Variants in EPAS1 observed in about 807,000 individuals in gnomAD.
EPAS1 encodes the protein endothelial PAS domain-containing protein 1.
Under a neutral mutation model 87.9 loss-of-function variants are expected in EPAS1, and 23 were observed. The observed-to-expected ratio is 0.26, with a 90% CI of 0.19 to 0.37. The LOEUF is 0.37. Among genes scored for constraint, EPAS1 ranks in the 10% least tolerant of loss-of-function variants. The pLI, the probability that EPAS1 is intolerant of heterozygous loss-of-function variation, is 1.00. For synonymous variants in EPAS1, 508 were observed against 444.3 expected, an observed-to-expected ratio of 1.14 and a Z score of -1.80; for missense variants, 1,138 against 1,120.7, an observed-to-expected ratio of 1.02 and a Z score of -0.22.
rs1254693718 is a variant in EPAS1 at position 46,356,785 on chromosome 2, G to A, written c.431G>A (p.Arg144His). The A allele has an allele frequency of 3.7e-6, 6 of 1,613,568 alleles. No homozygotes were observed. The highest frequency in any genetic ancestry group is 2.2e-5 in the South Asian group (2 of 91,082). Residue 144 changes from arginine to histidine, a missense_variant, in exon 4 of 16, where the codon CGT (arginine) becomes CAT (histidine). Arg to His is a conservative substitution (Grantham distance 29). Around this residue, in one of 4 missense-constraint regions of EPAS1, gnomAD observed 351 missense variants for 417.1 expected, o/e 0.84. Coordinates refer to ENST00000263734, the MANE Select transcript of EPAS1 (RefSeq NM_001430.5). ...CATCCCTGCGACCATGAGGAGATTCGTGAGAACCTGAGTCTCAAAAATGGT... is the reference window on the plus strand; with the variant it reads ...CATCCCTGCGACCATGAGGAGATTCATGAGAACCTGAGTCTCAAAAATGGT... ...FTHPCDHEEI[R>H]ENLSLKNGSG...
intron 1 of EPAS1, among the ~76,000 whole-genome samples, chr2:46,302,166 G>C (rs999837411): frequency 6.7e-5 from 10 of 149,548 alleles, no homozygotes; most frequent in Admixed American, 4.0e-4. Context: ...GCGTCGGGGG[G>C]GGGGGCAGTG....
chr2:46,365,578 A>C (rs1684483820), intron 6 of EPAS1, among the ~76,000 whole-genome samples: 1 of 152,200 alleles, frequency 6.6e-6, no homozygotes, highest in African/African-American at 2.4e-5. Flanking sequence ...GTATACTCTT[A>C]CCCCTACAGG....
At chr2:46,302,743 A>G (rs1231666663) in intron 1 of EPAS1, among the ~76,000 whole-genome samples, 5 of 45,482 alleles carry the variant, frequency 1.1e-4, no homozygotes, top group South Asian at 7.4e-4. Context: ...GGAAAAAAAA[A>G]AAAAAAAAAA....
chr2:46,363,232 G>C (rs1684438328), intron 6 of EPAS1, among the ~76,000 whole-genome samples: 1 of 152,126 alleles, frequency 6.6e-6, no homozygotes, highest in Admixed American at 6.5e-5. Context: ...GAGGTGAAGT[G>C]GCTCAAGCCG....
rs2103636587 is a variant in EPAS1 at position 46,360,856 on chromosome 2, C to T, written c.574-29C>T. 1.2e-6 allele frequency: 2 copies of T among 1,614,086 alleles called. No individual in the cohort carries two copies. Among genetic ancestry groups the T allele is most frequent in the East Asian group, 2.2e-5 (1 of 44,870 alleles). The stretch of plus-strand genomic sequence containing the variant: ...CCCCCACCCCCAGCACTCTCGGCTC[C>T]ATGTCTGACCCTTCCACGCCTGTCT... On this transcript the variant is annotated intron_variant, in intron 5 of 15. Transcript: ENST00000263734. The surrounding 1 kb of genome is among the most constrained non-coding windows in gnomAD (Gnocchi z 4.5).
In EPAS1 at chr2:46,358,629, G is replaced by A. The variant is rs777143674; in HGVS notation, c.454+1821G>A. On this transcript the variant is annotated intron_variant, in intron 4 of 15. Transcript: ENST00000263734. Reference sequence around the variant, plus strand: ...TGATGGTATTGGACTAGGCAAAGGCGACAACCTTTCAGTTCTCAAGTGCCA... The same window carrying A: ...TGATGGTATTGGACTAGGCAAAGGCAACAACCTTTCAGTTCTCAAGTGCCA... Among the ~76,000 whole-genome samples, 8 of 152,286 alleles carry A rather than the reference G, an allele frequency of 5.3e-5. No homozygotes were observed. In the East Asian group the frequency reaches 1.4e-3, roughly 26 times the overall value.
chr2:46,314,943 G>T (rs1162884048), intron 1 of EPAS1, among the ~76,000 whole-genome samples: 5 of 152,166 alleles, frequency 3.3e-5, no homozygotes, highest in African/African-American at 1.2e-4. Flanking sequence ...TGCAGGAGGG[G>T]TAGTGTCTCC....
rs756298292 is a variant in EPAS1, at chr2:46,381,629, C to T, written c.2079C>T (p.Asp693=). The T allele has an allele frequency of 2.5e-5, 40 of 1,613,898 alleles. No individual in the cohort carries two copies. The East Asian group carries it at 3.6e-4, about 14-fold the overall frequency. The part of the protein sequence containing the change: ...SAKGFGARGP[D]VLSPAMVALS... ...AGGGTTTTGGGGCTCGAGGCCCAGA[C>T]GTGCTGAGTCCGGCCATGGTAGCCC... is the stretch of plus-strand genomic sequence containing the variant. The change falls in exon 13 of 16, where the codon GAC becomes GAT. Residue 693 remains aspartate (D), a synonymous_variant. Coordinates refer to ENST00000263734, the MANE Select transcript of EPAS1 (RefSeq NM_001430.5).
At chr2:46,331,651 CT>C (rs149789601) in intron 1 of EPAS1, among the ~76,000 whole-genome samples, 2,322 of 152,294 alleles carry the variant, frequency 0.015, 61 homozygotes, top group African/African-American at 0.051. Flanking sequence ...AGGGAAATAA[CT>C]AAGCGGAGAG....
intron 6 of EPAS1, 89 bp from the exon 7 acceptor site, chr2:46,369,738 A>G: frequency 1.1e-6 from 1 of 883,850 alleles, no homozygotes; most frequent in South Asian, 1.4e-5. Flanking sequence ...TGTGTGTTTG[A>G]TTTGCCTTCT....
At chr2:46,304,391 TG>T (rs1177255064) in intron 1 of EPAS1, among the ~76,000 whole-genome samples, 11 of 152,320 alleles carry the variant, frequency 7.2e-5, no homozygotes, top group African/African-American at 2.6e-4. Context: ...ATACTCTCAA[TG>T]GGTGTTCCAT....
At chr2:46,355,931 CACA>C (rs372607583) in intron 2 of EPAS1, among the ~76,000 whole-genome samples, 91 of 152,362 alleles carry the variant, frequency 6.0e-4, no homozygotes, top group African/African-American at 1.6e-3. Flanking sequence ...GTACTGTTGT[CACA>C]ACAAGCACAC....
At chr2:46,317,592 G>A (rs1260032857) in intron 1 of EPAS1, among the ~76,000 whole-genome samples, 1 of 152,168 alleles carries the variant, frequency 6.6e-6, no homozygotes, top group Non-Finnish European at 1.5e-5. Flanking sequence ...TAAATGATAA[G>A]TGGCTTCAGC....
chr2:46,339,343 T>C (rs1399609459), intron 1 of EPAS1, among the ~76,000 whole-genome samples: 2 of 152,248 alleles, frequency 1.3e-5, no homozygotes, highest in South Asian at 2.1e-4. Context: ...CTAGGTTATA[T>C]GATGGACAGA....
rs967392277 is a variant in EPAS1, at chr2:46,297,664, C to T, written c.-248C>T. 3.6e-6 allele frequency: 2 copies of T among 550,084 alleles called. No homozygotes were observed. The highest frequency in any genetic ancestry group is 6.4e-6 in the Non-Finnish European group (2 of 310,618). 34.1% of individuals were successfully genotyped at this position (550,084 alleles called of 1,614,324 possible). ...CTCTTTTCGGGTCTGACAGCCTCCA[C>T]CCACTCCTTCCCCGGACCCCGCCTC... On this transcript the variant is annotated 5_prime_UTR_variant, in exon 1 of 16. Transcript: ENST00000263734.
rs1347365383 is a variant in EPAS1, at chr2:46,385,603, G to A, written c.*943G>A. The A allele has an allele frequency of 6.6e-6, 1 of 152,234 alleles. No homozygotes were observed. Among genetic ancestry groups the A allele is most frequent in the Non-Finnish European group, 1.5e-5 (1 of 68,068 alleles). 9.4% of individuals were successfully genotyped at this position (152,234 alleles called of 1,614,324 possible). A position where few individuals can be genotyped will look rare whatever the true frequency, so the allele number is the denominator to read the frequency against. On this transcript the variant is annotated 3_prime_UTR_variant, in exon 16 of 16. Coordinates refer to ENST00000263734, the MANE Select transcript of EPAS1 (RefSeq NM_001430.5). ...CCTCTGTCGGCTTTTTGCCATCTGT[G>A]ATATGCCATAGGTGTGACAATCCGA...
intron 1 of EPAS1, among the ~76,000 whole-genome samples, chr2:46,313,476 AGT>A (rs1322131135): frequency 6.9e-6 from 1 of 144,168 alleles, no homozygotes; most frequent in Non-Finnish European, 1.6e-5. Flanking sequence ...TTTTTGAGAC[AGT>A]GTCTCACTCT....
intron 1 of EPAS1, among the ~76,000 whole-genome samples, chr2:46,335,255 C>G (rs1683765898): frequency 6.6e-6 from 1 of 152,200 alleles, no homozygotes; most frequent in South Asian, 2.1e-4. Context: ...GATCAAGCAT[C>G]AGTCCTGATT....
rs57351888 is a variant in EPAS1, at chr2:46,359,257, C to CAAAAAAAAAAAAAAAAA, written c.455-1373_455-1357dup. ...CTGGCGACAGAGCAAGATTCTGTCT[C>CAAAAAAAAAAAAAAAAA]AAAAAAAAAAAAAAAAAAAAAAAAG... is the stretch of plus-strand genomic sequence containing the variant. On this transcript the variant is annotated intron_variant, in intron 4 of 15. Transcript: ENST00000263734. Among the ~76,000 whole-genome samples, 118 of 25,080 alleles carry CAAAAAAAAAAAAAAAAA rather than the reference C, an allele frequency of 4.7e-3. 12 individuals carry two copies. Among genetic ancestry groups the CAAAAAAAAAAAAAAAAA allele is most frequent in the East Asian group, 0.02 (5 of 250 alleles). 16.5% of individuals were successfully genotyped at this position (25,080 alleles called of 152,430 possible).
Sources: allele counts gnomAD v4.1 joint callset (sites outside exome capture counted in the v4.1 genomes callset), GRCh38; gene constraint gnomAD v4.1.1; regional missense constraint gnomAD v4.1.1; non-coding constraint Gnocchi (gnomAD v3.1); transcripts MANE v1.5; gene names NCBI Gene and HGNC (gene_info 2026-07-23, HGNC 2026-07-21).